Variants in ARHGAP29 observed in about 807,000 individuals in gnomAD.
ARHGAP29 encodes rho GTPase-activating protein 29.
Under a neutral mutation model 122.6 loss-of-function variants are expected in ARHGAP29, and 43 were observed. The ratio of observed to expected loss-of-function variants is 0.35; its 90% CI spans 0.27 to 0.45. The LOEUF (loss-of-function observed/expected upper bound fraction) is 0.45, where lower values mean the gene tolerates loss of function less well. Ranked by LOEUF, ARHGAP29 falls within the 20% of genes least tolerant of loss-of-function variation. The probability of loss-of-function intolerance (pLI) is 1.00; values close to 1 mark genes in which losing one functional copy is unlikely to be tolerated. For synonymous variants in ARHGAP29, 506 were observed against 497.1 expected (o/e 1.02, Z -0.24); for missense variants, 1,303 against 1,477.2 (o/e 0.88, Z 1.93).
chr1:94,179,455 A>C (rs1649308608), intron 20 of ARHGAP29, among the ~76,000 whole-genome samples: 1 of 151,888 alleles, frequency 6.6e-6, no homozygotes. Context: ...TTAGCTGGGC[A>C]TGGTGGCATG....
intron 1 of ARHGAP29, among the ~76,000 whole-genome samples, chr1:94,263,008 C>A (rs185470214): frequency 3.3e-5 from 5 of 152,114 alleles, no homozygotes; most frequent in Middle Eastern, 3.4e-3. Context: ...TGCCCATCAA[C>A]GGTAATCTGG....
At chr1:94,302,250 C>T in the ARHGAP29 span, 1 of 249,860 alleles carries the variant, frequency 4.0e-6, no homozygotes, top group Non-Finnish European at 7.9e-6. Flanking sequence ...TCACCATCTT[C>T]CAGGAGGGAG....
At chr1:94,222,663 T>G (rs1342574301) in intron 2 of ARHGAP29, among the ~76,000 whole-genome samples, 1 of 151,984 alleles carries the variant, frequency 6.6e-6, no homozygotes, top group Non-Finnish European at 1.5e-5. Context: ...TCCTGGAAAA[T>G]AATAAAGAAT....
At chr1:94,290,778 G>C in the ARHGAP29 span, among the ~76,000 whole-genome samples, 9 of 152,320 alleles carry the variant, frequency 5.9e-5, 1 homozygote, top group South Asian at 1.9e-3. Flanking sequence ...TTGCACTGTG[G>C]TCTGAGAGAG....
the ARHGAP29 span, among the ~76,000 whole-genome samples, chr1:94,307,531 T>C: frequency 1.3e-5 from 2 of 152,164 alleles, no homozygotes; most frequent in African/African-American, 4.8e-5. Context: ...GGGAGTAATG[T>C]TGACCTACCA....
intron 12 of ARHGAP29, among the ~76,000 whole-genome samples, chr1:94,198,143 A>C (rs1650588120): frequency 1.3e-5 from 2 of 152,026 alleles, no homozygotes. Flanking sequence ...GCAAAATATA[A>C]AACCAACACA....
chr1:94,239,940 C>T (rs1278871790), upstream of ARHGAP29, among the ~76,000 whole-genome samples: 2 of 152,084 alleles, frequency 1.3e-5, no homozygotes, highest in Non-Finnish European at 2.9e-5. Flanking sequence ...TCCTTCAAAC[C>T]CCACTGGAGA....
At chr1:94,236,677 C>CA (rs36019841) in intron 1 of ARHGAP29, among the ~76,000 whole-genome samples, 21 of 152,044 alleles carry the variant, frequency 1.4e-4, no homozygotes, top group Admixed American at 3.9e-4. Context: ...ACCCGCCCCC[C>CA]AAAAAATTTT....
At chr1:94,196,306 G>C (rs1217702133) in intron 12 of ARHGAP29, among the ~76,000 whole-genome samples, 4 of 118,696 alleles carry the variant, frequency 3.4e-5, no homozygotes, top group African/African-American at 1.3e-4. Flanking sequence ...CTGTCGCCCA[G>C]GCTGGAGTGC....
At chr1:94,224,628 T>C (rs1374152378) in intron 2 of ARHGAP29, among the ~76,000 whole-genome samples, 1 of 152,296 alleles carries the variant, frequency 6.6e-6, no homozygotes, top group African/African-American at 2.4e-5. Context: ...AAAAACTCTT[T>C]GGAGTCCTCA....
At chr1:94,296,023 G>A in the ARHGAP29 span, among the ~76,000 whole-genome samples, 3 of 152,236 alleles carry the variant, frequency 2.0e-5, no homozygotes, top group East Asian at 1.9e-4. Context: ...TGGGAAGAAG[G>A]CAGAGGAATA....
At chr1:94,235,898 C>G (rs1322725168) in intron 1 of ARHGAP29, among the ~76,000 whole-genome samples, 1 of 152,164 alleles carries the variant, frequency 6.6e-6, no homozygotes, top group Admixed American at 6.5e-5. Flanking sequence ...ACGCATGCCC[C>G]CTGCCAAATG....
intron 1 of ARHGAP29, among the ~76,000 whole-genome samples, chr1:94,258,187 C>A (rs1053006743): frequency 4.6e-5 from 7 of 152,168 alleles, no homozygotes; most frequent in African/African-American, 1.7e-4. Context: ...TGGACAGTTT[C>A]AGTTAACACT....
chr1:94,179,004 G>A (rs761300713), intron 20 of ARHGAP29, among the ~76,000 whole-genome samples: 4 of 152,036 alleles, frequency 2.6e-5, no homozygotes, highest in Non-Finnish European at 4.4e-5. Context: ...TCTGATTTAT[G>A]CCTGCACCAC....
In ARHGAP29 at chr1:94,218,135, G is replaced by T. The variant is rs560682733; in HGVS notation, c.340+2123C>A. On this transcript the variant is annotated intron_variant, in intron 3 of 22. Transcript: ENST00000260526. Reference sequence around the variant, plus strand: ...AAGTTGCTGAATATTTTTCAATTGGGGTATCAATTATATTTTTAAATGGCC... The same window carrying T: ...AAGTTGCTGAATATTTTTCAATTGGTGTATCAATTATATTTTTAAATGGCC... 2.6e-5 allele frequency among the ~76,000 whole-genome samples: 4 copies of T among 152,128 alleles called. No individual in the cohort carries two copies. The East Asian group carries it at 7.7e-4, about 29-fold the overall frequency.
At chr1:94,211,617 T>C (rs1651626533) in intron 3 of ARHGAP29, among the ~76,000 whole-genome samples, 1 of 152,192 alleles carries the variant, frequency 6.6e-6, no homozygotes, top group Admixed American at 6.5e-5. Flanking sequence ...AAAACAAGTC[T>C]TGATGAGTTT....
At chr1:94,244,871 A>T (rs1653730543) in intron 1 of ARHGAP29, among the ~76,000 whole-genome samples, 1 of 152,184 alleles carries the variant, frequency 6.6e-6, no homozygotes, top group Non-Finnish European at 1.5e-5. Flanking sequence ...TTGTAACCAA[A>T]TATATCAGGA....
At chr1:94,238,053 ATTTT>A (rs71717670), upstream of ARHGAP29, among the ~76,000 whole-genome samples, 1 of 61,008 alleles carries the variant, frequency 1.6e-5, no homozygotes, top group Non-Finnish European at 2.8e-5. Context: ...GCCTATCTGT[ATTTT>A]TTTTTTTTTT....
chr1:94,304,410 G>C, the ARHGAP29 span, among the ~76,000 whole-genome samples: 1 of 152,186 alleles, frequency 6.6e-6, no homozygotes, highest in Non-Finnish European at 1.5e-5. Flanking sequence ...AAAATGCTGG[G>C]ATAACAGGCG....
Sources: allele counts gnomAD v4.1 joint callset (sites outside exome capture counted in the v4.1 genomes callset), GRCh38; gene constraint gnomAD v4.1.1; transcripts MANE v1.5; gene names NCBI Gene and HGNC (gene_info 2026-07-23, HGNC 2026-07-21).